The following IL1RAPL2 variants were observed in gnomAD, a reference collection of about 807,000 sequenced individuals.
IL1RAPL2 encodes X-linked interleukin-1 receptor accessory protein-like 2.
IL1RAPL2 carries 3 observed loss-of-function variants against 44.1 expected under a neutral mutation model. The ratio of observed to expected loss-of-function variants is 0.07; its 90% CI spans 0.03 to 0.18. The LOEUF (loss-of-function observed/expected upper bound fraction) is 0.18, where lower values mean the gene tolerates loss of function less well. Ranked by LOEUF, IL1RAPL2 falls within the 10% of genes least tolerant of loss-of-function variation. The pLI, the probability that IL1RAPL2 is intolerant of heterozygous loss-of-function variation, is 1.00. For missense variants in IL1RAPL2, 391 were observed against 496.4 expected, an observed-to-expected ratio of 0.79 and a Z score of 2.02; for synonymous variants, 181 against 178.8, an observed-to-expected ratio of 1.01 and a Z score of -0.10.
intron 6 of IL1RAPL2, among the ~76,000 whole-genome samples, chrX:105,553,647 GTTAA>G (rs1356320465): frequency 8.9e-6 from 1 of 111,845 alleles, no homozygotes; most frequent in Admixed American, 9.5e-5. Context: ...TAAGAGTTCA[GTTAA>G]TTAATATTTA....
At chrX:105,007,258 A>T (rs1447417757) in intron 2 of IL1RAPL2, among the ~76,000 whole-genome samples, 3 of 111,596 alleles carry the variant, frequency 2.7e-5, no homozygotes, top group Non-Finnish European at 3.8e-5. Flanking sequence ...AATTTAAAAG[A>T]ATAATTCTTC....
intron 2 of IL1RAPL2, among the ~76,000 whole-genome samples, chrX:105,074,361 G>A (rs1007968877): frequency 1.8e-5 from 2 of 111,022 alleles, no homozygotes; most frequent in African/African-American, 3.3e-5. Context: ...TAGATATGCG[G>A]CATTATTTCT....
intron 2 of IL1RAPL2, among the ~76,000 whole-genome samples, chrX:105,113,565 TTCTC>T (rs1301131321): frequency 8.9e-6 from 1 of 112,020 alleles, no homozygotes; most frequent in African/African-American, 3.3e-5. Flanking sequence ...TATATTCCAC[TTCTC>T]TCTGTCTCAG....
intron 1 of IL1RAPL2, among the ~76,000 whole-genome samples, chrX:104,629,573 A>G (rs1262873107): frequency 3.6e-5 from 4 of 111,652 alleles, no homozygotes; most frequent in Non-Finnish European, 7.5e-5. Flanking sequence ...TGTTGCTTAT[A>G]CTTTTGAGGT....
intron 1 of IL1RAPL2, among the ~76,000 whole-genome samples, chrX:104,645,994 G>A (rs781009789): frequency 4.4e-4 from 49 of 112,089 alleles, no homozygotes; most frequent in African/African-American, 1.5e-3. Context: ...ATGCTGACAT[G>A]TAGAGAGATC....
At chrX:105,680,166 A>T (rs1264222959) in intron 6 of IL1RAPL2, among the ~76,000 whole-genome samples, 2 of 111,397 alleles carry the variant, frequency 1.8e-5, no homozygotes, top group Non-Finnish European at 3.8e-5. Context: ...TGCCCGGCTA[A>T]CTTTTTCTAT....
intron 6 of IL1RAPL2, among the ~76,000 whole-genome samples, chrX:105,675,556 G>T (rs180957887): frequency 1.8e-5 from 2 of 111,805 alleles, no homozygotes; most frequent in African/African-American, 3.2e-5. Context: ...TGCTGCATTC[G>T]GTTTGCCGTA....
chrX:105,507,736 A>G (rs986833987), intron 6 of IL1RAPL2, among the ~76,000 whole-genome samples: 1 of 111,957 alleles, frequency 8.9e-6, no homozygotes, highest in African/African-American at 3.2e-5. Flanking sequence ...TTTTAACTGC[A>G]AATTTAATTT....
At chrX:105,540,282 C>T (rs2036710446) in intron 6 of IL1RAPL2, among the ~76,000 whole-genome samples, 1 of 111,712 alleles carries the variant, frequency 9.0e-6, no homozygotes, top group Admixed American at 9.5e-5. Flanking sequence ...ACATGGAATC[C>T]ACCTAGGTGC....
chrX:104,595,256 G>T (rs1376032647), intron 1 of IL1RAPL2, among the ~76,000 whole-genome samples: 1 of 111,351 alleles, frequency 9.0e-6, no homozygotes, highest in African/African-American at 3.3e-5. Flanking sequence ...GAGGTGGGAA[G>T]GGGAAGGAGT....
rs759935132 is a variant in IL1RAPL2 at position 105,028,791 on chromosome X, C to G, written c.83-166684C>G. ...GAAAGTGCTGGATTACCTGCAATTA[C>G]ATAAGAACAAGGACTTGAGTTCTTT... On this transcript the variant is annotated intron_variant, in intron 2 of 10. Coordinates refer to ENST00000372582, the MANE Select transcript of IL1RAPL2 (RefSeq NM_017416.2). 9.9e-5 allele frequency among the ~76,000 whole-genome samples: 11 copies of G among 110,978 alleles called. No individual in the cohort carries two copies. The East Asian group carries it at 3.1e-3, about 32-fold the overall frequency.
At chrX:105,093,379 T>C (rs1265909707) in intron 2 of IL1RAPL2, among the ~76,000 whole-genome samples, 2 of 111,850 alleles carry the variant, frequency 1.8e-5, no homozygotes, top group Admixed American at 9.6e-5. Context: ...TTTGATGAGA[T>C]TTATAATAGG....
At chrX:105,363,308 A>ATTAT (rs1491419366) in intron 5 of IL1RAPL2, among the ~76,000 whole-genome samples, 1 of 68,569 alleles carries the variant, frequency 1.5e-5, no homozygotes, top group African/African-American at 1.3e-4. Flanking sequence ...ATATATATAT[A>ATTAT]ATATATATAT....
chrX:105,239,896 C>G (rs907437243), intron 4 of IL1RAPL2, among the ~76,000 whole-genome samples: 55 of 111,773 alleles, frequency 4.9e-4, no homozygotes, highest in African/African-American at 1.7e-3. Context: ...TCTGTTATAA[C>G]ATCACCCTTC....
chrX:105,001,267 C>G (rs1330458081), intron 2 of IL1RAPL2, among the ~76,000 whole-genome samples: 3 of 111,195 alleles, frequency 2.7e-5, no homozygotes, highest in Non-Finnish European at 5.7e-5. Context: ...TGCCAACTAC[C>G]TATCTGATTA....
chrX:104,941,638 A>G (rs1372474113), intron 2 of IL1RAPL2, among the ~76,000 whole-genome samples: 1 of 111,368 alleles, frequency 9.0e-6, no homozygotes, highest in African/African-American at 3.3e-5. Context: ...ATTTTCTCCC[A>G]TTCTGTAGAT....
chrX:105,035,231 G>A (rs866763233), intron 2 of IL1RAPL2, among the ~76,000 whole-genome samples: 1 of 111,531 alleles, frequency 9.0e-6, no homozygotes, highest in Non-Finnish European at 1.9e-5. Context: ...CTCACGCACG[G>A]TGCACTGCAC....
At chrX:104,999,496 T>C (rs2147735535) in intron 2 of IL1RAPL2, among the ~76,000 whole-genome samples, 1 of 112,070 alleles carries the variant, frequency 8.9e-6, no homozygotes, top group East Asian at 2.9e-4. Flanking sequence ...CACAGTTGTA[T>C]GGTCTCCAAA....
chrX:105,653,717 C>A (rs2037657372), intron 6 of IL1RAPL2, among the ~76,000 whole-genome samples: 1 of 111,401 alleles, frequency 9.0e-6, no homozygotes, highest in Non-Finnish European at 1.9e-5. Context: ...TGAAGTTTAA[C>A]TTGAAGGTAT....
Sources: gnomAD v4.1 joint callset for allele counts (sites outside exome capture counted in the v4.1 genomes callset) on GRCh38, gnomAD v4.1.1 for gene constraint, MANE v1.5 for transcripts, NCBI Gene and HGNC (gene_info 2026-07-23, HGNC 2026-07-21) for gene names.